Variants in ZZEF1 observed in about 807,000 individuals in gnomAD.
ZZEF1 encodes the protein zinc finger ZZ-type and EF-hand domain-containing protein 1.
A neutral mutation model predicts 342.8 loss-of-function variants in ZZEF1; 157 were observed. The ratio of observed to expected loss-of-function variants is 0.46; its 90% CI spans 0.40 to 0.52. ZZEF1 has a LOEUF of 0.52. Among genes scored for constraint, ZZEF1 ranks in the 20% least tolerant of loss-of-function variants. The pLI is 0.00. For missense variants in ZZEF1, 3,480 were observed against 3,725.6 expected, an observed-to-expected ratio of 0.93 and a Z score of 1.72; for synonymous variants, 1,505 against 1,429.1, an observed-to-expected ratio of 1.05 and a Z score of -1.20.
At chr17:4,072,778 T>C in intron 24 of ZZEF1, 22 bp from the exon 25 acceptor site, 1 of 1,582,930 alleles carries the variant, frequency 6.3e-7, no homozygotes, top group Non-Finnish European at 8.6e-7. Context: ...AGAAGACATA[T>C]GACAGTTCTA....
intron 34 of ZZEF1, among the ~76,000 whole-genome samples, chr17:4,053,118 C>T (rs891679895): frequency 1.3e-5 from 2 of 152,186 alleles, no homozygotes; most frequent in Non-Finnish European, 1.5e-5. Context: ...CTAAAGGAGA[C>T]TCTTAGCACT....
At chr17:4,051,694 G>C (rs1262785260) in intron 35 of ZZEF1, among the ~76,000 whole-genome samples, 3 of 151,190 alleles carry the variant, frequency 2.0e-5, no homozygotes, top group African/African-American at 7.3e-5. Flanking sequence ...GGGATTACAG[G>C]CGTGAGCCAC....
Position 4,142,592 on chromosome 17 carries a change from C to T in ZZEF1, c.304G>A (p.Glu102Lys), listed in dbSNP as rs1365902991. The change falls in exon 1 of 55, where the codon GAG becomes AAG. Residue 102 changes from glutamate to lysine, a missense_variant. Transcript: ENST00000381638. Reference protein sequence around the residue: ...EESVTLEQFRELLEARGAGCS... With the variant: ...EESVTLEQFRKLLEARGAGCS... Reference sequence around the variant, plus strand: ...CCGGCGCCGCGAGCCTCCAGCAGCTCCCGGAACTGCTCCAGAGTGACAGAC... The same window carrying T: ...CCGGCGCCGCGAGCCTCCAGCAGCTTCCGGAACTGCTCCAGAGTGACAGAC... 1 of 1,604,966 alleles carries T rather than the reference C, an allele frequency of 6.2e-7. No individual in the cohort carries two copies. The highest frequency in any genetic ancestry group is 1.7e-5 in the Admixed American group (1 of 59,998).
intron 14 of ZZEF1, 133 bp downstream of exon 14, chr17:4,087,300 AC>A (rs1467867845): frequency 1.6e-6 from 1 of 634,798 alleles, no homozygotes; most frequent in African/African-American, 1.9e-5. Flanking sequence ...TTCAATAATA[AC>A]CATATATTTT....
chr17:4,119,840 G>A (rs1261362292), intron 2 of ZZEF1, among the ~76,000 whole-genome samples: 1 of 151,828 alleles, frequency 6.6e-6, no homozygotes, highest in Non-Finnish European at 1.5e-5. Flanking sequence ...TATGGCCAAA[G>A]GTATCATGTA....
At chr17:4,081,099 G>A (rs536262645) in intron 18 of ZZEF1, among the ~76,000 whole-genome samples, 24 of 152,208 alleles carry the variant, frequency 1.6e-4, no homozygotes, top group Non-Finnish European at 1.5e-4. Context: ...TTAGCTGGGC[G>A]TGGTGGCGTG....
At chr17:4,044,868 G>A (rs1467575480) in intron 37 of ZZEF1, among the ~76,000 whole-genome samples, 1 of 152,080 alleles carries the variant, frequency 6.6e-6, no homozygotes, top group Non-Finnish European at 1.5e-5. Flanking sequence ...GACAGTAACT[G>A]TCGGGCTGGG....
In ZZEF1 at chr17:4,090,677, A is replaced by G. The variant is rs766227815; in HGVS notation, c.2025+42T>C. Reference sequence around the variant, plus strand: ...CACAATCACTACTCAAAAAACACAGAATAAAAGGAGGGGAGTGGGCAAACG... The same window carrying G: ...CACAATCACTACTCAAAAAACACAGGATAAAAGGAGGGGAGTGGGCAAACG... On this transcript the variant is annotated intron_variant, in intron 12 of 54. Transcript: ENST00000381638. 1.1e-5 allele frequency: 17 copies of G among 1,509,514 alleles called. No individual in the cohort carries two copies. The South Asian group carries it at 1.9e-4, about 17-fold the overall frequency. The allele number at this position is 1,509,514 out of a possible 1,614,324, so 93.5% of individuals were successfully genotyped here.
chr17:4,105,731 C>A lies in ZZEF1; in HGVS notation c.1356G>T (p.Val452=). The A allele has an allele frequency of 6.2e-7, 1 of 1,613,368 alleles. No homozygotes were observed. The highest frequency in any genetic ancestry group is 8.5e-7 in the Non-Finnish European group (1 of 1,179,746). The part of the protein sequence containing the change: ...TDFSTFLSPN[V]LEEVDSFLIR... ...TGAGGAAACTGTCCACTTCTTCCAG[C>A]ACATTAGGGGAGAGGAAAGTTGAGA... is the stretch of plus-strand genomic sequence containing the variant. The change falls in exon 7 of 55, where the codon GTG becomes GTT. Residue 452 remains valine, a synonymous_variant. Transcript: ENST00000381638.
chr17:4,106,631 T>C (rs2058217691), intron 6 of ZZEF1, among the ~76,000 whole-genome samples: 1 of 152,174 alleles, frequency 6.6e-6, no homozygotes, highest in African/African-American at 2.4e-5. Context: ...CCTTAATGTC[T>C]GTTTTAGTGT....
chr17:4,049,711 G>C lies in ZZEF1; in HGVS notation c.6012C>G (p.Gly2004=). Residue 2004 remains glycine, a synonymous_variant, in exon 37 of 55, where the codon GGC becomes GGG. Transcript: ENST00000381638. ...GTAGTAAAGAATCGTCATTTACATTGCCTGCTTCTGACAGCTCAGCACCCT... is the reference window on the plus strand; with the variant it reads ...GTAGTAAAGAATCGTCATTTACATTCCCTGCTTCTGACAGCTCAGCACCCT... ...AVQGAELSEA[G]NGKRAVHEEI... 1 of 1,613,894 alleles carries C rather than the reference G, an allele frequency of 6.2e-7. No individual in the cohort carries two copies. The highest frequency in any genetic ancestry group is 1.3e-5 in the African/African-American group (1 of 74,990).
rs1228910959 is a variant in ZZEF1, at chr17:4,117,075, G to A, written c.591C>T (p.Ser197=). 9.9e-6 allele frequency: 16 copies of A among 1,614,026 alleles called. No homozygotes were observed. The highest frequency in any genetic ancestry group is 5.3e-5 in the African/African-American group (4 of 74,912). The stretch of plus-strand genomic sequence containing the variant: ...CCAGCATCGGGTAGGGCATCACCGC[G>A]CTGGAGAGCCGATTGCGGTGCAGGA... ...LRFLHRNRLS[S]AVMPYPMLEH... The change falls in exon 3 of 55, where the codon AGC becomes AGT. Residue 197 remains serine (S), a synonymous_variant. Coordinates refer to ENST00000381638, the MANE Select transcript of ZZEF1 (RefSeq NM_015113.4).
intron 33 of ZZEF1, among the ~76,000 whole-genome samples, chr17:4,055,958 G>T (rs982092269): frequency 6.6e-6 from 1 of 152,206 alleles, no homozygotes; most frequent in African/African-American, 2.4e-5. Context: ...CGCATGCGCG[G>T]TTTATTGTGG....
chr17:4,091,493 T>G (rs1339461147), intron 11 of ZZEF1, among the ~76,000 whole-genome samples: 1 of 152,234 alleles, frequency 6.6e-6, no homozygotes, highest in Non-Finnish European at 1.5e-5. Context: ...ATTAAGTAAC[T>G]AAGATGTGCT....
At chr17:4,079,889 A>C (rs2057690197) in intron 18 of ZZEF1, among the ~76,000 whole-genome samples, 2 of 152,236 alleles carry the variant, frequency 1.3e-5, no homozygotes, top group Non-Finnish European at 2.9e-5. Context: ...AAGATACAAG[A>C]TAAGTTATCA....
intron 23 of ZZEF1, among the ~76,000 whole-genome samples, chr17:4,074,670 G>T (rs1218209198): frequency 5.9e-5 from 9 of 152,152 alleles, no homozygotes; most frequent in Admixed American, 5.9e-4. Flanking sequence ...ATGGAGAGAA[G>T]GTCAACAGTC....
intron 6 of ZZEF1, among the ~76,000 whole-genome samples, 188 bp downstream of exon 6, chr17:4,109,465 A>C (rs1291263731): frequency 6.6e-6 from 1 of 152,186 alleles, no homozygotes; most frequent in Non-Finnish European, 1.5e-5. Context: ...CTGTAAAGTC[A>C]GAACGTCAAT....
intron 3 of ZZEF1, 28 bp from the exon 4 acceptor site, chr17:4,114,498 T>C (rs1359398768): frequency 7.0e-7 from 1 of 1,431,790 alleles, no homozygotes. Flanking sequence ...GTTGATTATA[T>C]GACATCCCTT....
intron 28 of ZZEF1, among the ~76,000 whole-genome samples, chr17:4,065,634 C>T (rs1341303522): frequency 1.3e-5 from 2 of 152,132 alleles, no homozygotes; most frequent in South Asian, 2.1e-4. Context: ...TATTAACTCA[C>T]GGCCAATCTT....
Sources: allele counts gnomAD v4.1 joint callset (sites outside exome capture counted in the v4.1 genomes callset), GRCh38; gene constraint gnomAD v4.1.1; transcripts MANE v1.5; gene names NCBI Gene and HGNC (gene_info 2026-07-23, HGNC 2026-07-21).